Variants in USP28 observed in about 807,000 individuals in gnomAD.
USP28 encodes the protein ubiquitin carboxyl-terminal hydrolase 28.
USP28 carries 113 observed loss-of-function variants against 145.0 expected under a neutral mutation model. The ratio of observed to expected loss-of-function variants is 0.78; its 90% CI spans 0.67 to 0.91. USP28 has a LOEUF of 0.91. USP28 is among the 40% of genes least tolerant of loss of function. The probability of loss-of-function intolerance (pLI) is 0.00; values close to 1 mark genes in which losing one functional copy is unlikely to be tolerated. For missense variants in USP28, 1,201 were observed against 1,289.6 expected (o/e 0.93, Z 1.05); for synonymous variants, 447 against 450.9 (o/e 0.99, Z 0.11).
chr11:113,838,714 TCATTC>T (rs2136120446), intron 5 of USP28, among the ~76,000 whole-genome samples: 1 of 152,340 alleles, frequency 6.6e-6, no homozygotes, highest in East Asian at 1.9e-4. Flanking sequence ...CCAGACTCAT[TCATTC>T]ATCTTTACAC....
intron 3 of USP28, among the ~76,000 whole-genome samples, chr11:113,852,228 CCG>C (rs1245911785): frequency 6.6e-6 from 1 of 152,132 alleles, no homozygotes; most frequent in East Asian, 1.9e-4. Context: ...CGGGGTTTCA[CCG>C]TGTTAGCCAG....
chr11:113,843,671 C>CAA (rs573054023), intron 3 of USP28, among the ~76,000 whole-genome samples: 953 of 61,766 alleles, frequency 0.015, 13 homozygotes, highest in African/African-American at 0.039. Context: ...AACTCTATCT[C>CAA]AAAAAAAAAA....
At chr11:113,799,230 A>T (rs540263453) in exon 25 of USP28, 1 of 1,610,330 alleles carries the variant, frequency 6.2e-7, no homozygotes, top group South Asian at 1.1e-5. Context: ...GGCCTTGAAC[A>T]TGTGGGAGCT....
chr11:113,868,057 T>C (rs1816018987), intron 1 of USP28, among the ~76,000 whole-genome samples: 1 of 152,088 alleles, frequency 6.6e-6, no homozygotes, highest in Non-Finnish European at 1.5e-5. Flanking sequence ...ACGCTGGAAA[T>C]AGTGCCATGC....
At chr11:113,835,498 C>T (rs1045340256) in intron 5 of USP28, among the ~76,000 whole-genome samples, 4 of 152,176 alleles carry the variant, frequency 2.6e-5, no homozygotes, top group Non-Finnish European at 4.4e-5. Flanking sequence ...CAAGCCCTGG[C>T]GGGATTCAGC....
At chr11:113,852,694 G>A (rs1946609505) in intron 2 of USP28, 61 bp from the exon 3 acceptor site, 8 of 1,583,360 alleles carry the variant, frequency 5.1e-6, no homozygotes, top group Non-Finnish European at 6.9e-6. Flanking sequence ...AACCAGTTTT[G>A]AGTATTAACT....
At chr11:113,827,763 C>G (rs1943543728) in intron 10 of USP28, among the ~76,000 whole-genome samples, 2 of 152,166 alleles carry the variant, frequency 1.3e-5, no homozygotes, top group African/African-American at 4.8e-5. Context: ...ATCGAAGCAG[C>G]ATGTAGCTAA....
At chr11:113,852,368 A>T in intron 3 of USP28, 133 bp downstream of exon 3, 1 of 1,255,702 alleles carries the variant, frequency 8.0e-7, no homozygotes, top group Non-Finnish European at 1.1e-6. Flanking sequence ...GCCACATAGC[A>T]ATAGCTCAGT....
intron 2 of USP28, among the ~76,000 whole-genome samples, chr11:113,853,052 C>T (rs1337767588): frequency 6.6e-6 from 1 of 152,132 alleles, no homozygotes; most frequent in African/African-American, 2.4e-5. Flanking sequence ...CCTGTAATCC[C>T]AGCACACTGG....
chr11:113,821,498 G>A (rs533518255), intron 12 of USP28: 9 of 212,550 alleles, frequency 4.2e-5, no homozygotes, highest in Non-Finnish European at 8.0e-5. Context: ...GGAGTGGGTC[G>A]GGTGGCTGTT....
chr11:113,844,361 C>T (rs11214737), intron 3 of USP28, among the ~76,000 whole-genome samples: 7,364 of 151,694 alleles, frequency 0.049, 526 homozygotes, highest in East Asian at 0.31. Context: ...GGCTTGAACC[C>T]GGGAGCCGGG....
At chr11:113,859,438 T>C (rs1368591312) in intron 1 of USP28, 2 of 152,056 alleles carry the variant, frequency 1.3e-5, no homozygotes, top group Admixed American at 6.6e-5. Flanking sequence ...TCATGAAGTG[T>C]TCCATAATTT....
intron 1 of USP28, among the ~76,000 whole-genome samples, chr11:113,858,998 C>T (rs1947360388): frequency 6.6e-6 from 1 of 152,200 alleles, no homozygotes; most frequent in Non-Finnish European, 1.5e-5. Context: ...ATCCATAGGA[C>T]AGTGCTGATA....
intron 7 of USP28, 87 bp from the exon 8 acceptor site, chr11:113,832,080 T>C (rs1237101823): frequency 1.9e-6 from 2 of 1,069,364 alleles, no homozygotes; most frequent in African/African-American, 3.2e-5. Context: ...TGAATTAAGA[T>C]TATACTACTA....
chr11:113,858,442 G>T (rs938839639), intron 1 of USP28, among the ~76,000 whole-genome samples: 2 of 152,002 alleles, frequency 1.3e-5, no homozygotes, highest in African/African-American at 4.8e-5. Context: ...ACATTCAGGG[G>T]TTATATTTGT....
At chr11:113,871,330 G>A (rs1948790933) in intron 1 of USP28, among the ~76,000 whole-genome samples, 1 of 152,168 alleles carries the variant, frequency 6.6e-6, no homozygotes, top group Non-Finnish European at 1.5e-5. Flanking sequence ...AAGGTGTCTG[G>A]GGGTTAGACT....
At chr11:113,812,290 G>T in exon 16 of USP28, 1 of 1,613,734 alleles carries the variant, frequency 6.2e-7, no homozygotes, top group Non-Finnish European at 8.5e-7. Flanking sequence ...ATTGAAGTAG[G>T]GTAGTTTGTC....
At chr11:113,812,157 T>A (rs909300645) in intron 16 of USP28, 119 bp downstream of exon 16, 34 of 657,366 alleles carry the variant, frequency 5.2e-5, no homozygotes, top group Non-Finnish European at 7.6e-5. Flanking sequence ...CTATATTTTT[T>A]AAATCTATTA....
chr11:113,853,878 C>CA (rs57739058), intron 2 of USP28, among the ~76,000 whole-genome samples: 100,398 of 123,490 alleles, frequency 0.81, 40,709 homozygotes, highest in East Asian at 0.9. Context: ...GACTCCATCT[C>CA]AAAAAAAAAA....
Sources: allele counts gnomAD v4.1 joint callset (sites outside exome capture counted in the v4.1 genomes callset), GRCh38; gene constraint gnomAD v4.1.1; transcripts MANE v1.5; gene names NCBI Gene and HGNC (gene_info 2026-07-23, HGNC 2026-07-21).